Variants in TMEM45B observed in about 807,000 individuals in gnomAD.
The protein encoded by TMEM45B is transmembrane protein 45B.
TMEM45B carries 29 observed loss-of-function variants against 27.3 expected under a neutral mutation model. That is an observed-to-expected ratio of 1.06 (90% CI 0.79 to 1.45). TMEM45B has a LOEUF of 1.45. Ranked by LOEUF, TMEM45B falls within the 40% of genes most tolerant of loss-of-function variation. The probability of loss-of-function intolerance (pLI) is 0.00; values close to 1 mark genes in which losing one functional copy is unlikely to be tolerated. For synonymous variants in TMEM45B, 143 were observed against 134.7 expected (o/e 1.06, Z -0.43); for missense variants, 348 against 343.9 (o/e 1.01, Z -0.09).
intron 1 of TMEM45B, among the ~76,000 whole-genome samples, chr11:129,847,055 C>T (rs568294514): frequency 7.0e-4 from 106 of 152,168 alleles, no homozygotes; most frequent in African/African-American, 1.2e-3. Flanking sequence ...TTTCAACAAA[C>T]GAGTATAATG....
chr11:129,837,585 C>CCTTTTTTTTTTTTTT (rs1947636610), intron 1 of TMEM45B, among the ~76,000 whole-genome samples: 2 of 80,294 alleles, frequency 2.5e-5, no homozygotes, highest in African/African-American at 8.6e-5. Context: ...CTGCACTGGG[C>CCTTTTTTTTTTTTTT]TTTTTTTTTT....
At chr11:129,840,970 A>AAAAAAAAAAAAAAG (rs1947683408) in intron 1 of TMEM45B, among the ~76,000 whole-genome samples, 1 of 140,266 alleles carries the variant, frequency 7.1e-6, no homozygotes, top group Admixed American at 7.2e-5. Flanking sequence ...AAAAAAAAAA[A>AAAAAAAAAAAAAAG]GCAACAAACA....
chr11:129,845,518 A>T (rs182873996), intron 1 of TMEM45B, among the ~76,000 whole-genome samples: 73 of 152,264 alleles, frequency 4.8e-4, no homozygotes, highest in East Asian at 1.3e-3. Context: ...GTAGGAAAAA[A>T]ATATATATAG....
At chr11:129,829,035 A>G (rs1256493260) in intron 1 of TMEM45B, among the ~76,000 whole-genome samples, 1 of 152,182 alleles carries the variant, frequency 6.6e-6, no homozygotes, top group Non-Finnish European at 1.5e-5. Context: ...CCTGCTAGAC[A>G]TTTTCAGGTA....
At chr11:129,856,431 G>C (rs955616697) in intron 4 of TMEM45B, among the ~76,000 whole-genome samples, 9 of 150,796 alleles carry the variant, frequency 6.0e-5, no homozygotes, top group Non-Finnish European at 1.0e-4. Flanking sequence ...GGCTGGTCTC[G>C]AACTCCTGAA....
At chr11:129,839,143 A>G (rs893985411) in intron 1 of TMEM45B, among the ~76,000 whole-genome samples, 2 of 152,186 alleles carry the variant, frequency 1.3e-5, no homozygotes, top group Non-Finnish European at 2.9e-5. Flanking sequence ...GGAGAGAGGG[A>G]GGGAGGGAAG....
intron 1 of TMEM45B, among the ~76,000 whole-genome samples, chr11:129,847,841 CTTT>C (rs1947784729): frequency 6.6e-6 from 1 of 152,056 alleles, no homozygotes; most frequent in African/African-American, 2.4e-5. Flanking sequence ...ACCTTTCCCC[CTTT>C]TCTATTCCAC....
intron 5 of TMEM45B, among the ~76,000 whole-genome samples, chr11:129,858,094 A>G (rs1947955639): frequency 6.6e-6 from 1 of 152,196 alleles, no homozygotes; most frequent in Non-Finnish European, 1.5e-5. Context: ...CACCCCACTA[A>G]TAAATGGCAG....
intron 1 of TMEM45B, among the ~76,000 whole-genome samples, chr11:129,834,813 C>A (rs1479270787): frequency 1.2e-3 from 165 of 132,114 alleles, no homozygotes; most frequent in African/African-American, 2.8e-3. Context: ...TCCATCTCCA[C>A]AAAAAAAAAA....
intron 1 of TMEM45B, among the ~76,000 whole-genome samples, chr11:129,851,165 T>A (rs1030293006): frequency 1.3e-5 from 2 of 152,140 alleles, no homozygotes; most frequent in African/African-American, 4.8e-5. Flanking sequence ...GGGGACCAGC[T>A]CCCTCCAGCC....
chr11:129,846,404 T>C (rs1292338563), intron 1 of TMEM45B, among the ~76,000 whole-genome samples: 1 of 151,724 alleles, frequency 6.6e-6, no homozygotes, highest in Non-Finnish European at 1.5e-5. Context: ...AGGTGGAAGT[T>C]GCAGTGAGCA....
intron 1 of TMEM45B, among the ~76,000 whole-genome samples, chr11:129,849,452 G>C (rs958968853): frequency 3.3e-5 from 5 of 152,178 alleles, no homozygotes; most frequent in Non-Finnish European, 1.5e-5. Context: ...GGCCCCCAAG[G>C]CTCCAGGTGA....
chr11:129,838,354 C>T (rs1382640702), intron 1 of TMEM45B, among the ~76,000 whole-genome samples: 3 of 152,094 alleles, frequency 2.0e-5, no homozygotes, highest in Non-Finnish European at 2.9e-5. Flanking sequence ...CACCAGTCCC[C>T]GTTGTGAGCC....
intron 1 of TMEM45B, among the ~76,000 whole-genome samples, chr11:129,843,952 C>T (rs759301255): frequency 2.1e-4 from 32 of 152,216 alleles, no homozygotes; most frequent in Admixed American, 5.2e-4. Context: ...GTGTATATAT[C>T]GAAAGCAAAT....
At chr11:129,842,737 C>T (rs575450382) in intron 1 of TMEM45B, among the ~76,000 whole-genome samples, 1 of 152,216 alleles carries the variant, frequency 6.6e-6, no homozygotes, top group African/African-American at 2.4e-5. Flanking sequence ...TTGGTGCTAG[C>T]GTTGATTTCT....
chr11:129,850,746 A>C (rs907107704), intron 1 of TMEM45B: 4 of 152,198 alleles, frequency 2.6e-5, no homozygotes, highest in Admixed American at 6.5e-5. Flanking sequence ...CCACTTAGGC[A>C]ATCTCTAAGA....
rs1319084523 is a variant in TMEM45B, at chr11:129,844,745, T to G, written c.-8-7730T>G. The stretch of plus-strand genomic sequence containing the variant: ...TTGACATTTGCTAAGAGAGTAGATC[T>G]TAAGGATTCTCATTACAAAGGAAAG... On this transcript the variant is annotated intron_variant, in intron 1 of 5. Transcript: ENST00000281441. Among the ~76,000 whole-genome samples the G allele has an allele frequency of 2.0e-5, 3 of 152,264 alleles. No homozygotes were observed. The East Asian group carries it at 5.8e-4, about 29-fold the overall frequency.
At chr11:129,848,438 G>T (rs1310713429) in intron 1 of TMEM45B, among the ~76,000 whole-genome samples, 1 of 152,258 alleles carries the variant, frequency 6.6e-6, no homozygotes, top group Non-Finnish European at 1.5e-5. Flanking sequence ...AGGCAGGGAG[G>T]TTGCAGTGAG....
At chr11:129,855,627 G>T (rs1315738570) in intron 3 of TMEM45B, 81 bp from the exon 4 acceptor site, 17 of 1,455,650 alleles carry the variant, frequency 1.2e-5, no homozygotes, top group Non-Finnish European at 1.6e-5. Context: ...GAAGAACCTA[G>T]CTGAGACAGG....
Sources: allele counts gnomAD v4.1 joint callset (sites outside exome capture counted in the v4.1 genomes callset), GRCh38; gene constraint gnomAD v4.1.1; transcripts MANE v1.5; gene names NCBI Gene and HGNC (gene_info 2026-07-23, HGNC 2026-07-21).